Variants in LPAR1 observed in about 807,000 individuals in gnomAD.
LPAR1 encodes the protein lysophosphatidic acid receptor 1.
LPAR1 carries 5 observed loss-of-function variants against 23.8 expected under a neutral mutation model. That is an observed-to-expected ratio of 0.21 (90% CI 0.11 to 0.44). LPAR1 has a LOEUF of 0.44. LPAR1 is among the 20% of genes least tolerant of loss of function. The pLI is 0.99. For missense variants in LPAR1, 311 were observed against 482.8 expected (o/e 0.64, Z 3.33); for synonymous variants, 160 against 164.7 (o/e 0.97, Z 0.22).
At chr9:110,902,234 T>C (rs930525500) in intron 5 of LPAR1, among the ~76,000 whole-genome samples, 1 of 152,018 alleles carries the variant, frequency 6.6e-6, no homozygotes, top group African/African-American at 2.4e-5. Context: ...CCAGCGGTAC[T>C]AGCCAGGGAA....
intron 5 of LPAR1, among the ~76,000 whole-genome samples, chr9:110,922,262 C>T (rs899324819): frequency 5.3e-5 from 8 of 152,124 alleles, no homozygotes; most frequent in African/African-American, 1.4e-4. Context: ...AGCTAACACT[C>T]GACATCTCTC....
intron 4 of LPAR1, among the ~76,000 whole-genome samples, chr9:110,967,201 T>C (rs902762501): frequency 2.0e-5 from 3 of 152,164 alleles, no homozygotes; most frequent in African/African-American, 7.2e-5. Flanking sequence ...TTAGTATTCA[T>C]CACCTAGCTT....
chr9:110,950,018 C>T (rs370191323), intron 4 of LPAR1, among the ~76,000 whole-genome samples: 2 of 152,246 alleles, frequency 1.3e-5, no homozygotes, highest in South Asian at 2.1e-4. Context: ...TTCTGACAAT[C>T]TATAATTAGA....
In LPAR1 at chr9:110,996,896, G is replaced by C. The variant is rs537890943; in HGVS notation, c.-181-23338C>G. On this transcript the variant is annotated intron_variant, in intron 2 of 5. Coordinates refer to ENST00000683809, the MANE Select transcript of LPAR1 (RefSeq NM_001351411.2). ...TCCCCTTCTGGGGTCTGATGGTCTC[G>C]TTACAGAGACTGATCTCTGATCTAA... is the stretch of plus-strand genomic sequence containing the variant. 1.4e-4 allele frequency among the ~76,000 whole-genome samples: 21 copies of C among 152,258 alleles called. 1 individual carries two copies. In the South Asian group the frequency reaches 1.7e-3, roughly 12 times the overall value.
intron 2 of LPAR1, among the ~76,000 whole-genome samples, chr9:110,995,014 C>T (rs771382393): frequency 2.6e-5 from 4 of 152,158 alleles, no homozygotes; most frequent in Non-Finnish European, 2.9e-5. Flanking sequence ...ATTAGAAAGA[C>T]ACATTTATGT....
At chr9:110,879,488 G>A (rs2080123219) in intron 5 of LPAR1, among the ~76,000 whole-genome samples, 1 of 149,982 alleles carries the variant, frequency 6.7e-6, no homozygotes, top group African/African-American at 2.5e-5. Flanking sequence ...AACAGAAGTA[G>A]CAGAAGATAA....
chr9:110,897,680 C>T (rs1429497295), intron 5 of LPAR1, among the ~76,000 whole-genome samples: 2 of 152,126 alleles, frequency 1.3e-5, no homozygotes, highest in Non-Finnish European at 2.9e-5. Context: ...AGCTCCATCA[C>T]TCTGTCTTTG....
At chr9:110,997,741 G>T (rs117193525) in intron 2 of LPAR1, among the ~76,000 whole-genome samples, 3 of 152,104 alleles carry the variant, frequency 2.0e-5, no homozygotes, top group Non-Finnish European at 4.4e-5. Flanking sequence ...TAGAACAAAC[G>T]TATTATATTC....
At chr9:110,904,848 T>C (rs971475557) in intron 5 of LPAR1, among the ~76,000 whole-genome samples, 1 of 152,218 alleles carries the variant, frequency 6.6e-6, no homozygotes, top group Admixed American at 6.5e-5. Flanking sequence ...TTCAGATGTC[T>C]TTCAAAGTGC....
chr9:110,959,106 G>A (rs2095858918), intron 4 of LPAR1, among the ~76,000 whole-genome samples: 1 of 145,110 alleles, frequency 6.9e-6, no homozygotes, highest in Non-Finnish European at 1.5e-5. Flanking sequence ...CTCTTATACA[G>A]TGTTGGTGGG....
intron 5 of LPAR1, among the ~76,000 whole-genome samples, chr9:110,912,503 A>C (rs1471118837): frequency 6.6e-6 from 1 of 152,224 alleles, no homozygotes; most frequent in Non-Finnish European, 1.5e-5. Context: ...TTCTAAAAGC[A>C]AAGAGAGAAG....
At chr9:110,937,787 T>C (rs1376013430) in intron 5 of LPAR1, among the ~76,000 whole-genome samples, 1 of 152,200 alleles carries the variant, frequency 6.6e-6, no homozygotes, top group Admixed American at 6.5e-5. Flanking sequence ...CTTTTGATCA[T>C]GAAGACTGAA....
At chr9:111,034,803 A>G (rs140463134) in intron 2 of LPAR1, among the ~76,000 whole-genome samples, 4 of 152,248 alleles carry the variant, frequency 2.6e-5, no homozygotes, top group East Asian at 1.9e-4. Context: ...CCCATGTAGC[A>G]TAACTCCTTA....
intron 3 of LPAR1, among the ~76,000 whole-genome samples, chr9:110,972,717 G>T (rs2138305078): frequency 6.6e-6 from 1 of 152,174 alleles, no homozygotes; most frequent in Admixed American, 6.5e-5. Flanking sequence ...GAAGCCGAGG[G>T]GGAAGGATTA....
intron 4 of LPAR1, among the ~76,000 whole-genome samples, chr9:110,952,466 T>A (rs146780625): frequency 6.6e-6 from 1 of 152,186 alleles, no homozygotes; most frequent in African/African-American, 2.4e-5. Flanking sequence ...AAACTGCATC[T>A]ACCCAAGGGG....
At chr9:110,978,751 C>T (rs544467674) in intron 2 of LPAR1, among the ~76,000 whole-genome samples, 2 of 152,274 alleles carry the variant, frequency 1.3e-5, no homozygotes, top group Non-Finnish European at 2.9e-5. Flanking sequence ...AGATTTTTCT[C>T]TCTGGAATCT....
chr9:110,897,258 A>G (rs990054979), intron 5 of LPAR1, among the ~76,000 whole-genome samples: 1 of 152,056 alleles, frequency 6.6e-6, no homozygotes, highest in African/African-American at 2.4e-5. Context: ...TGCTGTTCTC[A>G]TGATAGCAAA....
chr9:110,985,927 C>T (rs1398311789), intron 2 of LPAR1, among the ~76,000 whole-genome samples: 1 of 151,916 alleles, frequency 6.6e-6, no homozygotes, highest in African/African-American at 2.4e-5. Context: ...GAAAATTGAG[C>T]TCAAGGGAGT....
intron 5 of LPAR1, among the ~76,000 whole-genome samples, chr9:110,909,892 T>C (rs2092139558): frequency 6.6e-6 from 1 of 151,758 alleles, no homozygotes; most frequent in Admixed American, 6.6e-5. Flanking sequence ...GGACTACAGG[T>C]GCCTGCCACC....
Sources: allele counts gnomAD v4.1 joint callset (sites outside exome capture counted in the v4.1 genomes callset), GRCh38; gene constraint gnomAD v4.1.1; transcripts MANE v1.5; gene names NCBI Gene and HGNC (gene_info 2026-07-23, HGNC 2026-07-21).